Variants in MDGA2 observed in about 807,000 individuals in gnomAD.
MDGA2 encodes the protein MAM domain containing glycosylphosphatidylinositol anchor 2.
Under a neutral mutation model 117.8 loss-of-function variants are expected in MDGA2, and 40 were observed. The ratio of observed to expected loss-of-function variants is 0.34; its 90% CI spans 0.26 to 0.44. The LOEUF is 0.44. MDGA2 is among the 20% of genes least tolerant of loss of function. MDGA2 has a pLI of 1.00. For missense variants in MDGA2, 1,123 were observed against 1,250.6 expected, an observed-to-expected ratio of 0.90 and a Z score of 1.54; for synonymous variants, 452 against 439.0, an observed-to-expected ratio of 1.03 and a Z score of -0.37.
rs71418128 is a variant in MDGA2 at position 47,029,492 on chromosome 14, C to T, written c.1819+5519G>A. On this transcript the variant is annotated intron_variant, in intron 8 of 16. Coordinates refer to ENST00000399232, the MANE Select transcript of MDGA2 (RefSeq NM_001113498.3). ...TTGGTTTTTAGTATATATTTTATAC[C>T]GCTTAACAGAAATATCATGTCATTA... Among the ~76,000 whole-genome samples, 1,439 of 152,126 alleles carry T rather than the reference C, an allele frequency of 9.5e-3. 18 individuals carry two copies. Among genetic ancestry groups the T allele is most frequent in the Middle Eastern group, 0.027 (8 of 294 alleles).
chr14:46,865,459 C>T (rs1420960292), intron 14 of MDGA2, among the ~76,000 whole-genome samples: 1 of 152,110 alleles, frequency 6.6e-6, no homozygotes, highest in Non-Finnish European at 1.5e-5. Context: ...AAACTGGAAA[C>T]ATTCCCTTTG....
At chr14:47,383,098 A>T (rs1000908988) in intron 1 of MDGA2, among the ~76,000 whole-genome samples, 2 of 152,176 alleles carry the variant, frequency 1.3e-5, no homozygotes, top group African/African-American at 2.4e-5. Context: ...GCAAACTGTC[A>T]CAAGGACAGA....
At chr14:47,411,991 C>A (rs1174353090) in intron 1 of MDGA2, among the ~76,000 whole-genome samples, 1 of 152,128 alleles carries the variant, frequency 6.6e-6, no homozygotes, top group African/African-American at 2.4e-5. Flanking sequence ...GAAACAAAAT[C>A]ACAGTTAAGA....
At chr14:47,666,368 C>T (rs757078564) in intron 1 of MDGA2, among the ~76,000 whole-genome samples, 19 of 144,378 alleles carry the variant, frequency 1.3e-4, no homozygotes, top group Non-Finnish European at 2.3e-4. Flanking sequence ...CTTAGAGAAC[C>T]TTTATGTCTA....
chr14:47,674,717 A>C lies in MDGA2; in HGVS notation c.80T>G (p.Leu27Arg). The change falls in exon 1 of 17, where the codon CTT becomes CGT. Residue 27 changes from leucine to arginine, a missense_variant. By Grantham distance (102) the Leu-to-Arg change is moderately radical. Around this residue, in one of 2 missense-constraint regions of MDGA2, gnomAD observed 233 missense variants for 200.3 expected, o/e 1.16. Coordinates refer to ENST00000399232, the MANE Select transcript of MDGA2 (RefSeq NM_001113498.3). ...GAGGTGCCCGGGAACCGCTCGCCGA[A>C]GGAGGAAGCGCCGTCCGTCTGTCCT... ...RGRTDGRRFL[L>R]RRAVPGHLGL... 2.3e-6 allele frequency: 2 copies of C among 869,670 alleles called. No individual in the cohort carries two copies. Among genetic ancestry groups the C allele is most frequent in the East Asian group, 2.6e-5 (1 of 37,740 alleles). 53.9% of individuals were successfully genotyped at this position (869,670 alleles called of 1,614,324 possible).
In MDGA2 at chr14:47,105,929, C is replaced by T. The variant is rs1880641116; in HGVS notation, c.926-8806G>A. ...CCACCCTATAATCTTTTTATCACCT[C>T]CCCTCCTCACACCTGGTCCGGCTTA... On this transcript the variant is annotated intron_variant, in intron 5 of 16. Coordinates refer to ENST00000399232, the MANE Select transcript of MDGA2 (RefSeq NM_001113498.3). Among the ~76,000 whole-genome samples the T allele has an allele frequency of 2.0e-5, 3 of 148,068 alleles. No homozygotes were observed. In the Admixed American group the frequency reaches 2.0e-4, roughly 10 times the overall value.
At chr14:47,511,127 G>A (rs1368085528) in intron 1 of MDGA2, among the ~76,000 whole-genome samples, 4 of 152,148 alleles carry the variant, frequency 2.6e-5, no homozygotes, top group African/African-American at 4.8e-5. Context: ...TCATTCATTA[G>A]TGTTCCTTCA....
At chr14:47,480,555 C>T (rs546583247) in intron 1 of MDGA2, among the ~76,000 whole-genome samples, 1 of 151,892 alleles carries the variant, frequency 6.6e-6, no homozygotes, top group South Asian at 2.1e-4. Flanking sequence ...TATTAAAATA[C>T]AACATATTGT....
intron 7 of MDGA2, among the ~76,000 whole-genome samples, chr14:47,043,354 T>C (rs555849586): frequency 1.3e-5 from 2 of 152,220 alleles, no homozygotes; most frequent in African/African-American, 4.8e-5. Flanking sequence ...TCTTAGTATA[T>C]AAAAATATGA....
At chr14:47,245,727 A>G (rs1566700389) in intron 2 of MDGA2, among the ~76,000 whole-genome samples, 1 of 151,942 alleles carries the variant, frequency 6.6e-6, no homozygotes, top group South Asian at 2.1e-4. Context: ...ATTTATTCTT[A>G]TTTCTAATAT....
chr14:47,360,353 A>AT (rs1891090722), intron 1 of MDGA2, among the ~76,000 whole-genome samples: 8 of 115,904 alleles, frequency 6.9e-5, no homozygotes, highest in East Asian at 2.6e-4. Flanking sequence ...GTCCATCTCA[A>AT]AAAATAAATA....
At chr14:46,923,544 A>C (rs546093639) in intron 9 of MDGA2, among the ~76,000 whole-genome samples, 167 of 152,188 alleles carry the variant, frequency 1.1e-3, no homozygotes, top group African/African-American at 3.9e-3. Context: ...ACGTTTTTAG[A>C]TGGTGCATAA....
At chr14:47,012,784 A>T (rs747698176) in intron 8 of MDGA2, among the ~76,000 whole-genome samples, 2 of 152,128 alleles carry the variant, frequency 1.3e-5, no homozygotes, top group Non-Finnish European at 1.5e-5. Flanking sequence ...ACTGCAGTTC[A>T]TTTCCAGAGC....
At chr14:47,299,966 C>G (rs1418107221) in intron 2 of MDGA2, among the ~76,000 whole-genome samples, 1 of 152,030 alleles carries the variant, frequency 6.6e-6, no homozygotes, top group Non-Finnish European at 1.5e-5. Flanking sequence ...TTTCATTTTA[C>G]CAACAGCATG....
chr14:47,061,161 A>G lies in MDGA2; in HGVS notation c.1525+88T>C, dbSNP rs538617787. ...TTTTAGGAAACTTAAAAGGGAAAAA[A>G]TATTTTTAACTAAAACCTACTTGAT... On this transcript the variant is annotated intron_variant, in intron 7 of 16. Transcript: ENST00000399232. 4.7e-6 allele frequency: 6 copies of G among 1,276,392 alleles called. No homozygotes were observed. The Admixed American group carries it at 1.4e-4, about 29-fold the overall frequency. 79.1% of individuals were successfully genotyped at this position (1,276,392 alleles called of 1,614,324 possible).
chr14:47,581,858 A>C (rs867025687), intron 1 of MDGA2, among the ~76,000 whole-genome samples: 1 of 151,898 alleles, frequency 6.6e-6, no homozygotes, highest in African/African-American at 2.4e-5. Context: ...GCTAATACAC[A>C]CTGGGTTTCA....
At chr14:47,398,338 C>A (rs1212943954) in intron 1 of MDGA2, among the ~76,000 whole-genome samples, 1 of 152,162 alleles carries the variant, frequency 6.6e-6, no homozygotes, top group Non-Finnish European at 1.5e-5. Flanking sequence ...TTGTAGGAAG[C>A]AGTATTGAGC....
rs1477539153 is a variant in MDGA2 at position 47,131,891 on chromosome 14, A to T, written c.793-45T>A. The T allele has an allele frequency of 5.5e-6, 8 of 1,451,484 alleles. No individual in the cohort carries two copies. The East Asian group carries it at 1.9e-4, about 35-fold the overall frequency. The allele number at this position is 1,451,484 out of a possible 1,614,324, so 89.9% of individuals were successfully genotyped here. On this transcript the variant is annotated intron_variant, in intron 4 of 16. Transcript: ENST00000399232. ...ATAAAAGTCATTAGAAAAAGCCAAC[A>T]CAACCAGAATGAATGAAACATCACA...
chr14:47,312,698 G>GTTTT, intron 1 of MDGA2, among the ~76,000 whole-genome samples: 1 of 133,722 alleles, frequency 7.5e-6, no homozygotes, highest in Admixed American at 7.9e-5. Context: ...GTTTTGTTTT[G>GTTTT]TTTTTTTTTT....
Sources: gnomAD v4.1 joint callset for allele counts (sites outside exome capture counted in the v4.1 genomes callset) on GRCh38, gnomAD v4.1.1 for gene constraint, gnomAD v4.1.1 regional missense constraint, MANE v1.5 for transcripts, NCBI Gene and HGNC (gene_info 2026-07-23, HGNC 2026-07-21) for gene names.